Variants in ARHGAP8 observed in about 807,000 individuals in gnomAD.
The protein encoded by ARHGAP8 is rho GTPase-activating protein 8.
ARHGAP8 carries 62 observed loss-of-function variants against 46.1 expected under a neutral mutation model. The observed-to-expected ratio is 1.34, with a 90% CI of 1.10 to 1.66. ARHGAP8 has a LOEUF of 1.66. ARHGAP8 is among the 40% of genes most tolerant of loss of function. ARHGAP8 has a pLI of 0.00. For synonymous variants in ARHGAP8, 375 were observed against 243.1 expected (o/e 1.54, Z -5.05); for missense variants, 923 against 568.4 (o/e 1.62, Z -6.34).
At chr22:44,854,926 G>A (rs1245440468) in intron 10 of ARHGAP8, among the ~76,000 whole-genome samples, 1 of 152,050 alleles carries the variant, frequency 6.6e-6, no homozygotes, top group Non-Finnish European at 1.5e-5. Flanking sequence ...GATTACAGGC[G>A]TGAGCCACCG....
chr22:44,858,529 C>T (rs1194768095), intron 10 of ARHGAP8, among the ~76,000 whole-genome samples: 2 of 51,816 alleles, frequency 3.9e-5, no homozygotes, highest in East Asian at 3.0e-4. Context: ...GCCACCATAC[C>T]CGGCTTTTTT....
chr22:44,821,827 A>G (rs1474739884), intron 5 of ARHGAP8, among the ~76,000 whole-genome samples: 2 of 152,172 alleles, frequency 1.3e-5, no homozygotes, highest in Non-Finnish European at 2.9e-5. Flanking sequence ...TGGTCAGGGC[A>G]TGTCTGGCCT....
At chr22:44,807,043 G>A (rs1234274135) in intron 3 of ARHGAP8, among the ~76,000 whole-genome samples, 1 of 152,098 alleles carries the variant, frequency 6.6e-6, no homozygotes, top group East Asian at 1.9e-4. Context: ...GGGACCAGCC[G>A]AGCCTCTGCA....
intron 7 of ARHGAP8, among the ~76,000 whole-genome samples, chr22:44,831,443 C>T (rs986118952): frequency 6.6e-5 from 10 of 152,190 alleles, no homozygotes; most frequent in African/African-American, 2.4e-4. Context: ...CGCCTATAAT[C>T]CCAGCACTTT....
At chr22:44,845,021 T>G (rs56656469) in intron 7 of ARHGAP8, among the ~76,000 whole-genome samples, 2 of 152,134 alleles carry the variant, frequency 1.3e-5, no homozygotes, top group South Asian at 4.1e-4. Context: ...GGGGAAGCCC[T>G]CCCCAAACCC....
chr22:44,859,538 C>T (rs911023698), intron 10 of ARHGAP8, 193 bp from the exon 11 acceptor site: 171 of 608,930 alleles, frequency 2.8e-4, no homozygotes, highest in Non-Finnish European at 7.3e-5. Flanking sequence ...CCCATCTCAG[C>T]AAGAATAGCC....
rs1569191746 is a variant in ARHGAP8, at chr22:44,862,473, C to G, written c.1180C>G (p.Pro394Ala). ...GGCACCTGGGGAGCACGGCCTGGCA[C>G]CATGGGAACAGGGGAGCAGGGCAGC... ...PEAPGEHGLA[P>A]WEQGSRAAPL... is the part of the protein sequence containing the mutation. Residue 394 changes from proline to alanine, a missense_variant, in exon 12 of 12, where the codon CCA becomes GCA. By Grantham distance (27) the Pro-to-Ala change is conservative. Transcript: ENST00000356099. The G allele has an allele frequency of 1.9e-6, 3 of 1,613,982 alleles. No homozygotes were observed. The highest frequency in any genetic ancestry group is 1.7e-5 in the Admixed American group (1 of 60,020).
intron 5 of ARHGAP8, 82 bp downstream of exon 5, chr22:44,814,840 C>A: frequency 6.6e-7 from 1 of 1,511,058 alleles, no homozygotes; most frequent in South Asian, 1.2e-5. Context: ...TCCCTATCCA[C>A]GCATCATGGA....
intron 1 of ARHGAP8, among the ~76,000 whole-genome samples, chr22:44,760,517 G>C (rs1051362290): frequency 1.3e-5 from 2 of 152,160 alleles, no homozygotes. Flanking sequence ...AGAACACCCA[G>C]TTCCAAAACG....
At chr22:44,789,610 C>T (rs1927517147) in intron 2 of ARHGAP8, among the ~76,000 whole-genome samples, 1 of 152,082 alleles carries the variant, frequency 6.6e-6, no homozygotes. Flanking sequence ...GCAGTCCTCC[C>T]ACCTCAGCTT....
chr22:44,859,926 T>C (rs568011401), intron 11 of ARHGAP8, 92 bp downstream of exon 11: 7 of 1,434,926 alleles, frequency 4.9e-6, no homozygotes, highest in South Asian at 2.6e-5. Context: ...TTGCCCTGGG[T>C]CTGGGGTCAT....
At chr22:44,840,146 GC>G (rs1216587454) in intron 7 of ARHGAP8, among the ~76,000 whole-genome samples, 1 of 152,214 alleles carries the variant, frequency 6.6e-6, no homozygotes, top group Admixed American at 6.5e-5. Context: ...GAAGGACCTG[GC>G]CCAGAAACTG....
In ARHGAP8 at chr22:44,819,241, A is replaced by AC. The variant is rs200309717; in HGVS notation, c.387-3129dup. Among the ~76,000 whole-genome samples the AC allele has an allele frequency of 7.3e-3, 1,112 of 152,170 alleles. 17 individuals are homozygous for AC. Among genetic ancestry groups the AC allele is most frequent in the African/African-American group, 0.025 (1,047 of 41,520 alleles). On this transcript the variant is annotated intron_variant, in intron 5 of 11. Transcript: ENST00000356099. ...GCCACCATGCCCAGCTAAATTTTGAACTTTTAGTAGAGACAGGGTTTTGCC... is the reference window on the plus strand; with the variant it reads ...GCCACCATGCCCAGCTAAATTTTGAACCTTTTAGTAGAGACAGGGTTTTGCC...
intron 2 of ARHGAP8, among the ~76,000 whole-genome samples, chr22:44,790,853 C>T (rs1011808210): frequency 4.0e-5 from 6 of 151,658 alleles, no homozygotes; most frequent in African/African-American, 1.4e-4. Flanking sequence ...TTGCCTCAGC[C>T]TCCCGAGTAG....
chr22:44,837,130 C>T (rs1420162108), intron 7 of ARHGAP8, among the ~76,000 whole-genome samples: 2 of 152,200 alleles, frequency 1.3e-5, no homozygotes, highest in African/African-American at 4.8e-5. Flanking sequence ...GGTGATCCGC[C>T]CACCTTGGCC....
intron 6 of ARHGAP8, among the ~76,000 whole-genome samples, chr22:44,823,294 G>C (rs1930286086): frequency 6.6e-6 from 1 of 152,162 alleles, no homozygotes; most frequent in South Asian, 2.1e-4. Context: ...CTGGGGAGGG[G>C]ACTGGTGTGT....
rs535112091 is a variant in ARHGAP8, at chr22:44,835,634, T to C, written c.597-9635T>C. Among the ~76,000 whole-genome samples, 11 of 152,114 alleles carry C rather than the reference T, an allele frequency of 7.2e-5. No homozygotes were observed. In the East Asian group the frequency reaches 1.2e-3, roughly 16 times the overall value. On this transcript the variant is annotated intron_variant, in intron 7 of 11. Coordinates refer to ENST00000356099, the MANE Select transcript of ARHGAP8 (RefSeq NM_181335.3). The stretch of plus-strand genomic sequence containing the variant: ...GAATCAGTCTCAAGAAAAAGAAGGA[T>C]TGGGGACTTGCAAACTCTTCAGAGA...
intron 7 of ARHGAP8, among the ~76,000 whole-genome samples, chr22:44,828,949 C>G (rs577519460): frequency 3.3e-5 from 5 of 151,862 alleles, no homozygotes; most frequent in Non-Finnish European, 7.4e-5. Flanking sequence ...AGCCACTTCT[C>G]TCTTCTTATC....
At chr22:44,834,066 C>T (rs1931131757) in intron 7 of ARHGAP8, among the ~76,000 whole-genome samples, 2 of 151,938 alleles carry the variant, frequency 1.3e-5, no homozygotes, top group Admixed American at 6.6e-5. Context: ...TAGCTAAAAG[C>T]TTGTCAATTT....
Sources: allele counts gnomAD v4.1 joint callset (sites outside exome capture counted in the v4.1 genomes callset), GRCh38; gene constraint gnomAD v4.1.1; transcripts MANE v1.5; gene names NCBI Gene and HGNC (gene_info 2026-07-23, HGNC 2026-07-21).